Variants in ZNF593OS observed in about 807,000 individuals in gnomAD.
The protein encoded by ZNF593OS is ZNF593 opposite strand.
chr1:26,169,927 A>T, downstream of ZNF593OS: 2 of 1,477,014 alleles, frequency 1.4e-6, no homozygotes, highest in Non-Finnish European at 1.8e-6. Context: ...GGAAGTGCTC[A>T]CACGTGTGCT....
downstream of ZNF593OS, chr1:26,170,202 C>G: frequency 6.4e-7 from 1 of 1,574,794 alleles, no homozygotes; most frequent in African/African-American, 1.3e-5. Context: ...CGGACGAGCC[C>G]GGCCTGGGGC....
chr1:26,170,894 C>A, exon 2 of ZNF593OS: 1 of 781,576 alleles, frequency 1.3e-6, no homozygotes, highest in Non-Finnish European at 2.0e-6. Flanking sequence ...ACTCTAACTT[C>A]CAGGCCGCTG....
At chr1:26,169,892 G>T (rs2232647), downstream of ZNF593OS, 85,970 of 1,325,590 alleles carry the variant, frequency 0.065, 3,051 homozygotes, top group South Asian at 0.098. Context: ...GCCCCCCGGC[G>T]TGGCCTGACG....
At chr1:26,170,851 A>G (rs1017464389) in exon 2 of ZNF593OS, 58 of 1,100,908 alleles carry the variant, frequency 5.3e-5, no homozygotes, top group East Asian at 1.3e-4. Context: ...CCTGCCCCAA[A>G]TAAAGGAACT....
At chr1:26,170,786 C>T (rs2088488509) in exon 2 of ZNF593OS, 2 of 1,538,000 alleles carry the variant, frequency 1.3e-6, no homozygotes, top group Non-Finnish European at 1.7e-6. Context: ...TGGGAGGGAG[C>T]GTGCCAACCC....
chr1:26,171,720 T>A lies in ZNF593OS; in HGVS notation c.-59A>T, dbSNP rs1042375069. 1.5e-5 allele frequency: 6 copies of A among 398,416 alleles called. No homozygotes were observed. The highest frequency in any genetic ancestry group is 1.2e-4 in the African/African-American group (6 of 48,608). 24.7% of individuals were successfully genotyped at this position (398,416 alleles called of 1,614,324 possible). ...GGGTGGGAGCGGACGTGAAGACCAG[T>A]GGTCTTCATGACACCAAGAAGTGGA... On this transcript the variant is annotated 5_prime_UTR_variant, in exon 1 of 2. Transcript: ENST00000648649. This position sits in a 1 kb window ranked among gnomAD's most constrained non-coding sequence, Gnocchi z 5.5.
Position 26,171,467 on chromosome 1 carries a change from C to G in ZNF593OS, c.46-132G>C. On this transcript the variant is annotated intron_variant, in intron 1 of 1. Transcript: ENST00000648649. The surrounding 1 kb of genome is among the most constrained non-coding windows in gnomAD (Gnocchi z 5.5). The stretch of plus-strand genomic sequence containing the variant: ...CCGGTCCTGCCCCAGGGAGATTCCA[C>G]CCCAATCCCTTTCGCCTCACTGCCC... 1 of 398,706 alleles carries G rather than the reference C, an allele frequency of 2.5e-6. No individual in the cohort carries two copies. Among genetic ancestry groups the G allele is most frequent in the Non-Finnish European group, 4.4e-6 (1 of 226,250 alleles). The allele number at this position is 398,706 out of a possible 1,614,324, so 24.7% of individuals were successfully genotyped here.
downstream of ZNF593OS, chr1:26,170,459 G>A: frequency 2.5e-6 from 4 of 1,614,194 alleles, no homozygotes; most frequent in Non-Finnish European, 3.4e-6. Context: ...ACCCACTTCC[G>A]ATCCAAAGAC....
In ZNF593OS at chr1:26,170,823, A is replaced by G. The variant is rs578208394; in HGVS notation, c.*366T>C. ...TTTTGCCTCTGGGTTTGGGGAGCGGAGGGCCTCTTCTTGGTGCCCTGCCCC... is the reference window on the plus strand; with the variant it reads ...TTTTGCCTCTGGGTTTGGGGAGCGGGGGGCCTCTTCTTGGTGCCCTGCCCC... On this transcript the variant is annotated 3_prime_UTR_variant, in exon 2 of 2. Coordinates refer to ENST00000648649, the Ensembl canonical transcript of ZNF593OS. The G allele has an allele frequency of 5.4e-5, 77 of 1,423,238 alleles. No homozygotes were observed. In the African/African-American group the frequency reaches 9.7e-4, roughly 18 times the overall value. 88.2% of individuals were successfully genotyped at this position (1,423,238 alleles called of 1,614,324 possible).
rs942863885 is a variant in ZNF593OS, at chr1:26,171,652, G to A, written c.10C>T (p.Arg4Ter). The A allele has an allele frequency of 5.3e-5, 21 of 398,640 alleles. No individual in the cohort carries two copies. The highest frequency in any genetic ancestry group is 3.1e-4 in the African/African-American group (15 of 48,738). 24.7% of individuals were successfully genotyped at this position (398,640 alleles called of 1,614,324 possible). A position where few individuals can be genotyped will look rare whatever the true frequency, so the allele number is the denominator to read the frequency against. The change falls in exon 1 of 2, where the codon CGA becomes TGA. Residue 4 changes from arginine (R) to a stop codon, truncating the protein, a stop_gained. Transcript: ENST00000648649. LOFTEE classifies it high-confidence loss of function. The surrounding 1 kb of genome is among the most constrained non-coding windows in gnomAD (Gnocchi z 5.5). ...CGGAAGTAACCAGGGGTCAAGCGTC[G>A]AAATCGCATGGTGGGCGGCACTGGT...
At chr1:26,169,871 G>T (rs1207203943), downstream of ZNF593OS, 18 of 1,198,158 alleles carry the variant, frequency 1.5e-5, no homozygotes, top group Non-Finnish European at 2.0e-5. Context: ...CGGTCCGGCC[G>T]AGCCTGCCTA....
rs1422864693 is a variant in ZNF593OS, at chr1:26,171,097, G to A, written c.*92C>T. 1 of 416,126 alleles carries A rather than the reference G, an allele frequency of 2.4e-6. No individual in the cohort carries two copies. Among genetic ancestry groups the A allele is most frequent in the Non-Finnish European group, 4.2e-6 (1 of 235,974 alleles). The allele number at this position is 416,126 out of a possible 1,614,324, so 25.8% of individuals were successfully genotyped here. On this transcript the variant is annotated 3_prime_UTR_variant, in exon 2 of 2. Coordinates refer to ENST00000648649, the Ensembl canonical transcript of ZNF593OS. This position sits in a 1 kb window ranked among gnomAD's most constrained non-coding sequence, Gnocchi z 5.5. ...AGATTACTCTGTCCTGCTTCTGACA[G>A]AGACTGATCCCCAGAAAAGAAGGCT...
chr1:26,170,900 C>A, exon 2 of ZNF593OS: 1 of 757,686 alleles, frequency 1.3e-6, no homozygotes, highest in Non-Finnish European at 2.1e-6. Flanking sequence ...ACTTCCAGGC[C>A]GCTGTCTCAA....
downstream of ZNF593OS, chr1:26,170,431 G>T: frequency 1.2e-6 from 2 of 1,613,932 alleles, no homozygotes; most frequent in Non-Finnish European, 1.7e-6. Flanking sequence ...GTACTTCATC[G>T]ATTCCACCAA....
chr1:26,170,343 A>T, downstream of ZNF593OS: 1 of 1,553,464 alleles, frequency 6.4e-7, no homozygotes, highest in East Asian at 2.2e-5. Flanking sequence ...GTCAGGGACA[A>T]GCTAGGGCTA....
exon 2 of ZNF593OS, chr1:26,170,624 G>A (rs745744433): frequency 1.9e-6 from 3 of 1,613,470 alleles, no homozygotes; most frequent in Non-Finnish European, 1.7e-6. Flanking sequence ...GGCGGAGAGG[G>A]CAGCGGGTAT....
In ZNF593OS at chr1:26,170,565, T is replaced by C. The variant is rs765836220; in HGVS notation, c.*624A>G. 7 of 1,613,982 alleles carry C rather than the reference T, an allele frequency of 4.3e-6. No homozygotes were observed. The Admixed American group carries it at 1.2e-4, about 27-fold the overall frequency. ...GGTCAGCTCCCAACTCCTGTTTTTC[T>C]TTCTCCCAGGCTGAAGCAGCTGAGC... is the stretch of plus-strand genomic sequence containing the variant. On this transcript the variant is annotated 3_prime_UTR_variant, in exon 2 of 2. Transcript: ENST00000648649.
At position 26,171,686 on chromosome 1, in the gene ZNF593OS, C is replaced by T. The variant is rs1349489736; in HGVS notation, c.-25G>A. 2.0e-5 allele frequency: 8 copies of T among 398,444 alleles called. No individual in the cohort carries two copies. Among genetic ancestry groups the T allele is most frequent in the African/African-American group, 6.2e-5 (3 of 48,594 alleles). The allele number at this position is 398,444 out of a possible 1,614,324, so 24.7% of individuals were successfully genotyped here. On this transcript the variant is annotated 5_prime_UTR_variant, in exon 1 of 2. Coordinates refer to ENST00000648649, the Ensembl canonical transcript of ZNF593OS. The surrounding 1 kb of genome is among the most constrained non-coding windows in gnomAD (Gnocchi z 5.5). ...TGGTGGGCGGCACTGGTCTCCCTGG[C>T]GGCCTGTAGGGTGGGAGCGGACGTG...
At chr1:26,169,727 C>G, downstream of ZNF593OS, 1 of 502,422 alleles carries the variant, frequency 2.0e-6, no homozygotes, top group Non-Finnish European at 3.5e-6. Context: ...CACCCCGCGC[C>G]TCCCCAGCGA....
Sources: allele counts gnomAD v4.1 joint callset, GRCh38; gene constraint gnomAD v4.1.1; non-coding constraint Gnocchi (gnomAD v3.1); transcripts MANE v1.5; gene names NCBI Gene and HGNC (gene_info 2026-07-23, HGNC 2026-07-21).